Variants in SV2C observed in about 807,000 individuals in gnomAD.
SV2C encodes synaptic vesicle glycoprotein 2C, also known as solute carrier family 22 member B3.
SV2C carries 49 observed loss-of-function variants against 79.7 expected under a neutral mutation model. The observed-to-expected ratio is 0.61, with a 90% CI of 0.49 to 0.78. The LOEUF (loss-of-function observed/expected upper bound fraction) is 0.78, where lower values mean the gene tolerates loss of function less well. Among genes scored for constraint, SV2C ranks in the 30% least tolerant of loss-of-function variants. SV2C has a pLI of 0.00. For synonymous variants in SV2C, 334 were observed against 333.2 expected (o/e 1.00, Z -0.03); for missense variants, 833 against 912.9 (o/e 0.91, Z 1.13).
chr5:75,915,956 G>A, the SV2C span, among the ~76,000 whole-genome samples: 4 of 152,244 alleles, frequency 2.6e-5, no homozygotes, highest in African/African-American at 9.6e-5. Context: ...TGCAAAAGGG[G>A]TCTTATCAAG....
chr5:76,152,718 A>G (rs551528771), intron 2 of SV2C, among the ~76,000 whole-genome samples: 2 of 152,302 alleles, frequency 1.3e-5, no homozygotes, highest in Non-Finnish European at 2.9e-5. Context: ...ATCCTCTAAC[A>G]CTGCACACTA....
chr5:76,005,485 C>A, the SV2C span, among the ~76,000 whole-genome samples: 1 of 152,086 alleles, frequency 6.6e-6, no homozygotes, highest in Non-Finnish European at 1.5e-5. Context: ...ACAATGTTTT[C>A]TTTTGGAGAA....
At chr5:75,887,722 C>G in the SV2C span, among the ~76,000 whole-genome samples, 49 of 151,934 alleles carry the variant, frequency 3.2e-4, no homozygotes, top group Admixed American at 1.6e-3. Flanking sequence ...ATTCCTACAG[C>G]TTTCTCCAAA....
the SV2C span, among the ~76,000 whole-genome samples, chr5:76,069,830 T>A: frequency 6.8e-6 from 1 of 147,228 alleles, no homozygotes; most frequent in Non-Finnish European, 1.5e-5. Context: ...TCTCTCTCTC[T>A]CTCTCACACA....
At chr5:75,908,898 T>G in the SV2C span, among the ~76,000 whole-genome samples, 2 of 152,054 alleles carry the variant, frequency 1.3e-5, no homozygotes, top group East Asian at 3.9e-4. Flanking sequence ...AGTTGCCTTA[T>G]TTTGCATTGA....
At position 76,295,387 on chromosome 5, in the gene SV2C, A is replaced by G. The variant is rs566256091; in HGVS notation, c.1338-391A>G. Among the ~76,000 whole-genome samples, 28 of 152,310 alleles carry G rather than the reference A, an allele frequency of 1.8e-4. No homozygotes were observed. The South Asian group carries it at 5.2e-3, about 28-fold the overall frequency. On this transcript the variant is annotated intron_variant, in intron 8 of 12. Transcript: ENST00000502798. The stretch of plus-strand genomic sequence containing the variant: ...TCATTCATGAGGTCTCTGCCCTCAT[A>G]ACTTAATCACCTCCTAAAGCCCCCA...
chr5:75,912,938 C>T, the SV2C span, among the ~76,000 whole-genome samples: 1 of 152,288 alleles, frequency 6.6e-6, no homozygotes, highest in East Asian at 1.9e-4. Context: ...CTAGAATAGG[C>T]TAAACTCTTT....
chr5:76,287,670 A>G (rs1180267253), intron 6 of SV2C, among the ~76,000 whole-genome samples: 3 of 152,154 alleles, frequency 2.0e-5, no homozygotes, highest in Admixed American at 6.5e-5. Flanking sequence ...ACATTCCTCC[A>G]TCTCTAGTTA....
the SV2C span, among the ~76,000 whole-genome samples, chr5:75,880,712 T>C: frequency 6.6e-6 from 1 of 152,206 alleles, no homozygotes; most frequent in East Asian, 1.9e-4. Flanking sequence ...TTTCTTCTTC[T>C]GAGCCCTCCA....
chr5:75,910,648 A>C, the SV2C span: 7 of 950,992 alleles, frequency 7.4e-6, no homozygotes, highest in South Asian at 9.0e-5. Flanking sequence ...ACCTGGATGC[A>C]GTGCAGAATG....
intron 1 of SV2C, among the ~76,000 whole-genome samples, chr5:76,113,932 A>T (rs1032875189): frequency 1.3e-5 from 2 of 152,178 alleles, no homozygotes; most frequent in African/African-American, 4.8e-5. Flanking sequence ...ACACACACAC[A>T]CACACACATA....
the SV2C span, among the ~76,000 whole-genome samples, chr5:75,860,309 ACC>A: frequency 0.015 from 2,260 of 152,202 alleles, 58 homozygotes; most frequent in African/African-American, 0.052. Context: ...CACAAATAAT[ACC>A]TGTTAGGTTG....
At chr5:75,913,327 T>C in the SV2C span, among the ~76,000 whole-genome samples, 2 of 152,302 alleles carry the variant, frequency 1.3e-5, no homozygotes, top group East Asian at 1.9e-4. Context: ...AAGATAACTG[T>C]ATCATGCTTC....
chr5:76,016,254 T>TA, the SV2C span, among the ~76,000 whole-genome samples: 333 of 90,370 alleles, frequency 3.7e-3, 14 homozygotes, highest in South Asian at 8.2e-3. Flanking sequence ...TTTAATTTTC[T>TA]AAAAAAAAAA....
At chr5:75,904,428 G>GAGAGAA in the SV2C span, among the ~76,000 whole-genome samples, 1 of 151,500 alleles carries the variant, frequency 6.6e-6, no homozygotes, top group Non-Finnish European at 1.5e-5. Flanking sequence ...GAGAGAGAGA[G>GAGAGAA]AGGCTGTCGG....
the SV2C span, among the ~76,000 whole-genome samples, chr5:75,890,486 T>A: frequency 2.6e-5 from 4 of 152,072 alleles, no homozygotes; most frequent in Non-Finnish European, 5.9e-5. Context: ...CCTATACTCC[T>A]TATTTCTATA....
chr5:75,857,391 G>T, the SV2C span, among the ~76,000 whole-genome samples: 1 of 151,918 alleles, frequency 6.6e-6, no homozygotes, highest in Non-Finnish European at 1.5e-5. Context: ...TTTGTTCTTG[G>T]CATTTTTGTC....
At chr5:76,245,701 T>C (rs896300816) in intron 4 of SV2C, among the ~76,000 whole-genome samples, 1 of 152,204 alleles carries the variant, frequency 6.6e-6, no homozygotes, top group African/African-American at 2.4e-5. Flanking sequence ...TAACTCTATA[T>C]GCTAATTGAA....
At chr5:76,196,143 G>T (rs1341804085) in intron 3 of SV2C, among the ~76,000 whole-genome samples, 1 of 152,174 alleles carries the variant, frequency 6.6e-6, no homozygotes, top group Non-Finnish European at 1.5e-5. Context: ...GTGAAAAGAG[G>T]TCAGAGGACT....
Sources: allele counts gnomAD v4.1 joint callset (sites outside exome capture counted in the v4.1 genomes callset), GRCh38; gene constraint gnomAD v4.1.1; transcripts MANE v1.5; gene names NCBI Gene and HGNC (gene_info 2026-07-23, HGNC 2026-07-21).